Variants in SLC38A9 observed in about 807,000 individuals in gnomAD.
SLC38A9 encodes the protein neutral amino acid transporter 9.
Under a neutral mutation model 62.3 loss-of-function variants are expected in SLC38A9, and 48 were observed. That is an observed-to-expected ratio of 0.77 (90% CI 0.61 to 0.98). The LOEUF is 0.98. Among genes scored for constraint, SLC38A9 ranks in the 50% least tolerant of loss-of-function variants. SLC38A9 has a pLI of 0.00. For synonymous variants in SLC38A9, 204 were observed against 227.7 expected (o/e 0.90, Z 0.94); for missense variants, 541 against 679.8 (o/e 0.80, Z 2.27).
intron 2 of SLC38A9, among the ~76,000 whole-genome samples, chr5:55,709,473 T>C (rs551801556): frequency 1.3e-5 from 2 of 151,982 alleles, no homozygotes; most frequent in Non-Finnish European, 2.9e-5. Context: ...TCCCAATGCT[T>C]TGGGAGGCTG....
chr5:55,692,809 A>G (rs1435858866), intron 3 of SLC38A9: 1 of 985,162 alleles, frequency 1.0e-6, no homozygotes, highest in Non-Finnish European at 1.2e-6. Flanking sequence ...TTTCAAGAAA[A>G]CCCTGAGCAT....
chr5:55,654,053 G>A (rs1450323360), intron 9 of SLC38A9, among the ~76,000 whole-genome samples: 1 of 151,990 alleles, frequency 6.6e-6, no homozygotes, highest in Admixed American at 6.6e-5. Context: ...TGTCACAGTA[G>A]AGCTTTTGCT....
At chr5:55,707,852 T>A (rs1315394663) in intron 2 of SLC38A9, among the ~76,000 whole-genome samples, 1 of 152,166 alleles carries the variant, frequency 6.6e-6, no homozygotes, top group Non-Finnish European at 1.5e-5. Flanking sequence ...CCCTTATGAA[T>A]GGAGTTAGTA....
chr5:55,682,557 T>C (rs1013309749), intron 3 of SLC38A9, among the ~76,000 whole-genome samples: 2 of 152,156 alleles, frequency 1.3e-5, no homozygotes, highest in African/African-American at 4.8e-5. Context: ...TGAGGACTGA[T>C]TGAGGCCGGG....
chr5:55,697,954 G>T lies in SLC38A9; in HGVS notation c.5C>A (p.Ala2Glu). 1.1e-5 allele frequency: 18 copies of T among 1,575,752 alleles called. No homozygotes were observed. Among genetic ancestry groups the T allele is most frequent in the East Asian group, 2.3e-5 (1 of 43,734 alleles). The change falls in exon 3 of 16, where the codon GCA (alanine) becomes GAA (glutamate). Residue 2 changes from alanine (A) to glutamate (E), a missense_variant. Physicochemically the swap from Ala to Glu is moderately radical, Grantham distance 107. Coordinates refer to ENST00000396865, the MANE Select transcript of SLC38A9 (RefSeq NM_173514.4). ...ATGCCTAGAATCACTATTCATATTT[G>T]CCATTTTTCTCACACTCTAAGCACT... M[A>E]NMNSDSRHLG...
intron 8 of SLC38A9, among the ~76,000 whole-genome samples, chr5:55,664,363 G>A (rs1055866814): frequency 1.4e-4 from 21 of 151,792 alleles, no homozygotes; most frequent in East Asian, 3.9e-4. Flanking sequence ...GAAAATAAGT[G>A]GCTGAAATTT....
At chr5:55,649,629 C>T (rs1436364733) in intron 10 of SLC38A9, among the ~76,000 whole-genome samples, 2 of 152,146 alleles carry the variant, frequency 1.3e-5, no homozygotes, top group Non-Finnish European at 2.9e-5. Flanking sequence ...CGAGACCAAA[C>T]CGGCCAACAT....
chr5:55,686,797 T>C (rs568776291), intron 3 of SLC38A9, among the ~76,000 whole-genome samples: 4 of 152,292 alleles, frequency 2.6e-5, no homozygotes, highest in African/African-American at 9.6e-5. Flanking sequence ...TTTTTGTATA[T>C]GGTTAAGGAA....
intron 2 of SLC38A9, among the ~76,000 whole-genome samples, chr5:55,711,067 C>T (rs941691529): frequency 6.6e-6 from 1 of 151,856 alleles, no homozygotes; most frequent in African/African-American, 2.4e-5. Context: ...CCAAGGCAGG[C>T]GGATCACTTG....
chr5:55,708,553 T>C (rs1282500448), intron 2 of SLC38A9, among the ~76,000 whole-genome samples: 1 of 152,240 alleles, frequency 6.6e-6, no homozygotes, highest in East Asian at 1.9e-4. Context: ...GATGCTAGCA[T>C]CAATCTGCAA....
At chr5:55,659,895 A>G (rs1749173955) in intron 8 of SLC38A9, among the ~76,000 whole-genome samples, 1 of 151,418 alleles carries the variant, frequency 6.6e-6, no homozygotes, top group South Asian at 2.1e-4. Context: ...CCTCCCAAGT[A>G]GCTGGGACTA....
In SLC38A9 at chr5:55,652,590, C is replaced by T. The variant is rs372793133; in HGVS notation, c.891G>A (p.Gly297=). The part of the protein sequence containing the change: ...KSRTVPFYLV[G]LLLPLLNFKS... ...TGAAATTGAGCAGTGGGAGGAGGAG[C>T]CCTACAAGATAAAAGGGGACTGTCC... The change falls in exon 10 of 16, where the codon GGG becomes GGA. Residue 297 remains glycine, a synonymous_variant. Transcript: ENST00000396865. 56 of 1,611,018 alleles carry T rather than the reference C, an allele frequency of 3.5e-5. No homozygotes were observed. Among genetic ancestry groups the T allele is most frequent in the Non-Finnish European group, 4.5e-5 (53 of 1,178,342 alleles).
rs576450926 is a variant in SLC38A9 at position 55,707,968 on chromosome 5, G to A, written c.-35+3484C>T. ...AGGCACCATCTTGGAAGCAGAGACC[G>A]GGTCCTCACCAAACATCAAATCTGC... On this transcript the variant is annotated intron_variant, in intron 2 of 15. Transcript: ENST00000396865. Among the ~76,000 whole-genome samples, 7 of 152,232 alleles carry A rather than the reference G, an allele frequency of 4.6e-5. No individual in the cohort carries two copies. In the South Asian group the frequency reaches 6.2e-4, roughly 14 times the overall value.
At chr5:55,668,937 T>A (rs1750870854) in intron 7 of SLC38A9, among the ~76,000 whole-genome samples, 1 of 152,222 alleles carries the variant, frequency 6.6e-6, no homozygotes, top group Non-Finnish European at 1.5e-5. Flanking sequence ...TCAATTTAGT[T>A]TTGGCAAAGA....
chr5:55,636,952 G>T lies in SLC38A9; in HGVS notation c.1168-1295C>A, dbSNP rs1048117504. 1.3e-5 allele frequency among the ~76,000 whole-genome samples: 2 copies of T among 152,266 alleles called. 1 individual carries two copies. Among genetic ancestry groups the T allele is most frequent in the Admixed American group, 1.3e-4 (2 of 15,306 alleles). On this transcript the variant is annotated intron_variant, in intron 12 of 15. Transcript: ENST00000396865. Reference sequence around the variant, plus strand: ...TAGTTCATGAAGCTCTAGGTCTGACGGGAGGCCAGAGTTCAGTCACCCCTA... The same window carrying T: ...TAGTTCATGAAGCTCTAGGTCTGACTGGAGGCCAGAGTTCAGTCACCCCTA...
chr5:55,674,545 T>C (rs1432094637), intron 3 of SLC38A9, among the ~76,000 whole-genome samples: 1 of 152,182 alleles, frequency 6.6e-6, no homozygotes, highest in Non-Finnish European at 1.5e-5. Flanking sequence ...CCTTCCACAA[T>C]GTTGTGATAA....
intron 3 of SLC38A9, among the ~76,000 whole-genome samples, chr5:55,686,813 C>T (rs1753885426): frequency 6.6e-6 from 1 of 152,112 alleles, no homozygotes; most frequent in African/African-American, 2.4e-5. Context: ...AGGAAAAGGT[C>T]CAGTTTCAAT....
At chr5:55,705,964 T>C (rs1250232122) in intron 2 of SLC38A9, among the ~76,000 whole-genome samples, 1 of 152,160 alleles carries the variant, frequency 6.6e-6, no homozygotes, top group Non-Finnish European at 1.5e-5. Context: ...TGCCTCGGCC[T>C]CCCAAAGTGC....
rs1015396480 is a variant in SLC38A9, at chr5:55,672,500, C to T, written c.246+63G>A. 9.5e-6 allele frequency: 15 copies of T among 1,575,184 alleles called. No individual in the cohort carries two copies. The Admixed American group carries it at 2.5e-4, about 26-fold the overall frequency. On this transcript the variant is annotated intron_variant, in intron 4 of 15. Coordinates refer to ENST00000396865, the MANE Select transcript of SLC38A9 (RefSeq NM_173514.4). Reference sequence around the variant, plus strand: ...GTTCAATCACTGGGAGGTGCCCTGGCTTATATTGTTCACTGTTCATTTCAA... The same window carrying T: ...GTTCAATCACTGGGAGGTGCCCTGGTTTATATTGTTCACTGTTCATTTCAA...
Sources: gnomAD v4.1 joint callset for allele counts (sites outside exome capture counted in the v4.1 genomes callset) on GRCh38, gnomAD v4.1.1 for gene constraint, MANE v1.5 for transcripts, NCBI Gene and HGNC (gene_info 2026-07-23, HGNC 2026-07-21) for gene names.